The following BCAS3 variants were observed in gnomAD, a reference collection of about 807,000 sequenced individuals.
BCAS3 encodes the protein BCAS4/BCAS3 fusion.
Under a neutral mutation model 116.1 loss-of-function variants are expected in BCAS3, and 53 were observed. The ratio of observed to expected loss-of-function variants is 0.46; its 90% CI spans 0.37 to 0.57. BCAS3 has a LOEUF of 0.57. BCAS3 is among the 20% of genes least tolerant of loss of function. The probability of loss-of-function intolerance (pLI) is 0.00; values close to 1 mark genes in which losing one functional copy is unlikely to be tolerated. For missense variants in BCAS3, 917 were observed against 1,165.4 expected (o/e 0.79, Z 3.10); for synonymous variants, 391 against 408.2 (o/e 0.96, Z 0.51).
rs149531395 is a variant in BCAS3, at chr17:61,008,041, GAC to G, written c.1487-7688_1487-7687del. Among the ~76,000 whole-genome samples the G allele has an allele frequency of 0.045, 6,643 of 148,846 alleles. 474 individuals carry two copies. The highest frequency in any genetic ancestry group is 0.15 in the African/African-American group (6,051 of 40,836). ...CTTTAAAAATGTGTGTCTGTGTGTC[GAC>G]ACACACACACACACACACACATAAA... On this transcript the variant is annotated intron_variant, in intron 15 of 23. Transcript: ENST00000407086. The surrounding 1 kb of genome is among the most constrained non-coding windows in gnomAD (Gnocchi z 4.6).
At chr17:61,108,003 T>A (rs916891827) in intron 22 of BCAS3, among the ~76,000 whole-genome samples, 6 of 152,224 alleles carry the variant, frequency 3.9e-5, no homozygotes, top group Non-Finnish European at 8.8e-5. Context: ...ATCTACCTGT[T>A]GAGAAAGAAT....
In BCAS3 at chr17:60,937,004, A is replaced by G. The variant is rs538297669; in HGVS notation, c.1088-10215A>G. On this transcript the variant is annotated intron_variant, in intron 13 of 23. Coordinates refer to ENST00000407086, the MANE Select transcript of BCAS3 (RefSeq NM_017679.5). ...TTTTATGGTTTTAGGTCTAACATGT[A>G]AGTCTTTAATCCATCTTGAATTAAT... is the stretch of plus-strand genomic sequence containing the variant. Among the ~76,000 whole-genome samples, 18 of 152,258 alleles carry G rather than the reference A, an allele frequency of 1.2e-4. No individual in the cohort carries two copies. In the East Asian group the frequency reaches 3.3e-3, roughly 28 times the overall value.
chr17:60,751,072 G>A (rs1023060507), intron 6 of BCAS3, among the ~76,000 whole-genome samples: 1 of 152,126 alleles, frequency 6.6e-6, no homozygotes, highest in African/African-American at 2.4e-5. Context: ...CTTTCTAAAG[G>A]TATTTCTGTA....
At chr17:61,067,360 A>G (rs1164692333) in intron 19 of BCAS3, among the ~76,000 whole-genome samples, 3 of 141,436 alleles carry the variant, frequency 2.1e-5, no homozygotes, top group Admixed American at 7.2e-5. Flanking sequence ...TAACAGGACT[A>G]ATTTTCAAAG....
rs1324097026 is a variant in BCAS3, at chr17:61,198,043, C to T, written c.2425+113479C>T. Among the ~76,000 whole-genome samples, 2 of 151,830 alleles carry T rather than the reference C, an allele frequency of 1.3e-5. No homozygotes were observed. The highest frequency in any genetic ancestry group is 2.9e-5 in the Non-Finnish European group (2 of 67,998). ...CTTGTTGGGGGCAAGAAAAGTAGGT[C>T]ATCTTCATGTTTATATCCACTGAGT... On this transcript the variant is annotated intron_variant, in intron 22 of 23. Transcript: ENST00000407086. This position sits in a 1 kb window ranked among gnomAD's most constrained non-coding sequence, Gnocchi z 5.0.
intron 6 of BCAS3, among the ~76,000 whole-genome samples, chr17:60,748,133 A>G (rs2042160947): frequency 6.6e-6 from 1 of 152,200 alleles, no homozygotes; most frequent in African/African-American, 2.4e-5. Flanking sequence ...AAAAGTTACC[A>G]GAAGTGAAAA....
chr17:60,821,040 G>A (rs556205747), intron 7 of BCAS3, among the ~76,000 whole-genome samples: 28 of 152,158 alleles, frequency 1.8e-4, no homozygotes, highest in South Asian at 8.3e-4. Flanking sequence ...TCCGCCTCCC[G>A]GGTTCAAGTG....
chr17:61,040,711 G>T, intron 18 of BCAS3, 81 bp from the exon 19 acceptor site: 1 of 1,160,464 alleles, frequency 8.6e-7, no homozygotes, highest in Non-Finnish European at 1.3e-6. Flanking sequence ...TTAAGTCACT[G>T]TTCATAAGTG....
chr17:60,904,238 T>C (rs1257746770), intron 11 of BCAS3, among the ~76,000 whole-genome samples: 1 of 151,916 alleles, frequency 6.6e-6, no homozygotes, highest in African/African-American at 2.4e-5. Flanking sequence ...ACCCCGTCTC[T>C]ACTAAAAATA....
At chr17:61,042,767 G>A (rs1237428914) in intron 19 of BCAS3, among the ~76,000 whole-genome samples, 1 of 151,100 alleles carries the variant, frequency 6.6e-6, no homozygotes, top group Non-Finnish European at 1.5e-5. Flanking sequence ...GTGCATGCCT[G>A]TAATCCCAGC....
At chr17:60,766,594 A>G (rs530925540) in intron 6 of BCAS3, among the ~76,000 whole-genome samples, 1 of 152,106 alleles carries the variant, frequency 6.6e-6, no homozygotes. Flanking sequence ...ACCCGGCTGT[A>G]TGAGGTGTCA....
Position 61,132,883 on chromosome 17 carries a change from G to C in BCAS3, c.2425+48319G>C, listed in dbSNP as rs2076414498. ...TAAAATGCCACCACCCCTGATTCAT[G>C]ACCTGACCTACTGAAAGGTTTAACT... On this transcript the variant is annotated intron_variant, in intron 22 of 23. Transcript: ENST00000407086. The surrounding 1 kb of genome is among the most constrained non-coding windows in gnomAD (Gnocchi z 5.1). 6.6e-6 allele frequency among the ~76,000 whole-genome samples: 1 copy of C among 152,194 alleles called. No homozygotes were observed. The highest frequency in any genetic ancestry group is 1.5e-5 in the Non-Finnish European group (1 of 68,024).
rs1016328705 is a variant in BCAS3 at position 61,324,132 on chromosome 17, G to A, written c.2426-44195G>A. Among the ~76,000 whole-genome samples, 5 of 152,136 alleles carry A rather than the reference G, an allele frequency of 3.3e-5. No individual in the cohort carries two copies. The highest frequency in any genetic ancestry group is 1.2e-4 in the African/African-American group (5 of 41,434). ...GGACATACTGGGACTCTTCCCATCA[G>A]GCTGCAAACTCCTCCAGAGGCAGGG... On this transcript the variant is annotated intron_variant, in intron 22 of 23. Coordinates refer to ENST00000407086, the MANE Select transcript of BCAS3 (RefSeq NM_017679.5). The surrounding 1 kb of genome is among the most constrained non-coding windows in gnomAD (Gnocchi z 4.6).
intron 6 of BCAS3, among the ~76,000 whole-genome samples, chr17:60,796,640 A>G (rs2047237858): frequency 6.6e-6 from 1 of 152,048 alleles, no homozygotes; most frequent in Non-Finnish European, 1.5e-5. Flanking sequence ...CTAATGATCT[A>G]TCAATTTTAT....
At position 61,278,302 on chromosome 17, in the gene BCAS3, A is replaced by G. The variant is rs569160844; in HGVS notation, c.2426-90025A>G. The stretch of plus-strand genomic sequence containing the variant: ...GTGATCCGCCTGCCTCGGCCTCTCA[A>G]AGTGCTGGGATTACAGGCATGAGCC... On this transcript the variant is annotated intron_variant, in intron 22 of 23. Coordinates refer to ENST00000407086, the MANE Select transcript of BCAS3 (RefSeq NM_017679.5). The surrounding 1 kb of genome is among the most constrained non-coding windows in gnomAD (Gnocchi z 5.8). Among the ~76,000 whole-genome samples the G allele has an allele frequency of 2.0e-5, 3 of 152,282 alleles. No homozygotes were observed. The highest frequency in any genetic ancestry group is 4.4e-5 in the Non-Finnish European group (3 of 68,022).
chr17:61,206,774 C>T (rs1353415959), intron 22 of BCAS3, among the ~76,000 whole-genome samples: 1 of 129,262 alleles, frequency 7.7e-6, no homozygotes, highest in Admixed American at 9.5e-5. Context: ...GCACTTCAGC[C>T]TGGGCAACAA....
chr17:60,760,098 C>T (rs1405447663), intron 6 of BCAS3, among the ~76,000 whole-genome samples: 1 of 152,192 alleles, frequency 6.6e-6, no homozygotes, highest in Non-Finnish European at 1.5e-5. Flanking sequence ...TTCTTGTAGC[C>T]ATCATACTTG....
At chr17:60,750,930 C>T (rs1385625491) in intron 6 of BCAS3, among the ~76,000 whole-genome samples, 2 of 152,284 alleles carry the variant, frequency 1.3e-5, no homozygotes, top group Middle Eastern at 3.4e-3. Flanking sequence ...TTGTTTGCTA[C>T]ATTTGCAGGC....
At chr17:60,740,803 T>C (rs917931015) in intron 5 of BCAS3, among the ~76,000 whole-genome samples, 3 of 152,128 alleles carry the variant, frequency 2.0e-5, no homozygotes, top group African/African-American at 7.2e-5. Context: ...TAAAGTAGTT[T>C]CTGTCGAGGC....
Sources: allele counts gnomAD v4.1 joint callset (sites outside exome capture counted in the v4.1 genomes callset), GRCh38; gene constraint gnomAD v4.1.1; non-coding constraint Gnocchi (gnomAD v3.1); transcripts MANE v1.5; gene names NCBI Gene and HGNC (gene_info 2026-07-23, HGNC 2026-07-21).